DAAM1: variants seen among roughly 807,000 people sequenced by gnomAD.
DAAM1 encodes dishevelled associated activator of morphogenesis 1, also known as disheveled-associated activator of morphogenesis 1.
In DAAM1, 52 loss-of-function variants were observed where a neutral mutation model predicts 130.0. That is an observed-to-expected ratio of 0.40 (90% CI 0.32 to 0.50). DAAM1 has a LOEUF of 0.50. Among genes scored for constraint, DAAM1 ranks in the 20% least tolerant of loss-of-function variants. The pLI, the probability that DAAM1 is intolerant of heterozygous loss-of-function variation, is 0.61. For missense variants in DAAM1, 1,134 were observed against 1,303.8 expected, an observed-to-expected ratio of 0.87 and a Z score of 2.01; for synonymous variants, 452 against 444.5, an observed-to-expected ratio of 1.02 and a Z score of -0.21.
chr14:59,323,253 C>G (rs542286199), intron 6 of DAAM1, 28 bp downstream of exon 6: 2 of 1,548,938 alleles, frequency 1.3e-6, no homozygotes, highest in Admixed American at 3.8e-5. Flanking sequence ...CTTCTTCACT[C>G]ACCCCTTCTT....
intron 2 of DAAM1, among the ~76,000 whole-genome samples, chr14:59,274,029 T>A (rs1882841788): frequency 6.6e-6 from 1 of 152,190 alleles, no homozygotes; most frequent in Non-Finnish European, 1.5e-5. Context: ...CCTCTGGAAT[T>A]TCAAGCTGTT....
intron 1 of DAAM1, among the ~76,000 whole-genome samples, chr14:59,250,043 C>A (rs942233221): frequency 2.0e-5 from 3 of 152,060 alleles, no homozygotes; most frequent in Non-Finnish European, 4.4e-5. Flanking sequence ...ATTTGTGATA[C>A]CCCTATGATT....
chr14:59,279,083 G>A (rs1883100444), intron 2 of DAAM1, among the ~76,000 whole-genome samples: 1 of 152,062 alleles, frequency 6.6e-6, no homozygotes, highest in Non-Finnish European at 1.5e-5. Context: ...TAATTTATAT[G>A]TCATAGAATT....
intron 2 of DAAM1, among the ~76,000 whole-genome samples, chr14:59,289,776 A>ATATATG (rs1555360758): frequency 5.6e-5 from 8 of 143,480 alleles, no homozygotes; most frequent in African/African-American, 1.6e-4. Flanking sequence ...TGATATATAT[A>ATATATG]TATATATAAT....
chr14:59,355,659 T>C (rs1466889483), intron 20 of DAAM1, among the ~76,000 whole-genome samples: 1 of 152,152 alleles, frequency 6.6e-6, no homozygotes, highest in Admixed American at 6.5e-5. Context: ...TATTATAATA[T>C]ACTAAGAAGA....
chr14:59,246,618 A>G (rs1467939861), intron 1 of DAAM1, among the ~76,000 whole-genome samples: 3 of 152,138 alleles, frequency 2.0e-5, no homozygotes, highest in African/African-American at 7.2e-5. Flanking sequence ...TTTTTTGAGA[A>G]ACCACCATAC....
intron 16 of DAAM1, among the ~76,000 whole-genome samples, chr14:59,343,671 T>G (rs1311240361): frequency 6.6e-6 from 1 of 152,208 alleles, no homozygotes; most frequent in East Asian, 1.9e-4. Context: ...TTTACAAATG[T>G]CAGTGGACCT....
At chr14:59,228,534 C>T (rs1283765892) in intron 1 of DAAM1, among the ~76,000 whole-genome samples, 1 of 152,140 alleles carries the variant, frequency 6.6e-6, no homozygotes, top group South Asian at 2.1e-4. Context: ...CTTTGTCTTC[C>T]CACACATTTC....
chr14:59,208,653 A>G (rs1002588935), intron 1 of DAAM1, among the ~76,000 whole-genome samples: 2 of 152,264 alleles, frequency 1.3e-5, no homozygotes, highest in East Asian at 1.9e-4. Context: ...TTTTGAACAT[A>G]TGACCCATGA....
Position 59,354,237 on chromosome 14 carries a change from C to T in DAAM1, c.2356+273C>T, listed in dbSNP as rs549654668. Reference sequence around the variant, plus strand: ...CACCACGCCTGGCTAATTTTTTGTACTTTTAGTAGAGACGGGGTTTCACCA... The same window carrying T: ...CACCACGCCTGGCTAATTTTTTGTATTTTTAGTAGAGACGGGGTTTCACCA... On this transcript the variant is annotated intron_variant, in intron 19 of 24. Transcript: ENST00000360909. 1.1e-4 allele frequency among the ~76,000 whole-genome samples: 17 copies of T among 152,076 alleles called. No homozygotes were observed. The East Asian group carries it at 1.2e-3, about 10-fold the overall frequency.
intron 1 of DAAM1, among the ~76,000 whole-genome samples, chr14:59,193,821 G>A (rs1314931110): frequency 6.6e-6 from 1 of 152,170 alleles, no homozygotes; most frequent in African/African-American, 2.4e-5. Flanking sequence ...TAGCTCAGGT[G>A]CCACAGCTTC....
chr14:59,355,170 C>A lies in DAAM1; in HGVS notation c.2362C>A (p.Arg788Ser). Reference protein sequence around the residue: ...AEVKPKVEAIRSGSEEVFRSG... With the variant: ...AEVKPKVEAISSGSEEVFRSG... ...TTATGTGTTTTGTTTTGAAGCAATT[C>A]GTTCTGGCTCAGAAGAGGTGTTTAG... The change falls in exon 20 of 25, where the codon CGT (arginine) becomes AGT (serine). Residue 788 changes from arginine to serine, a missense_variant. This residue lies in a region of DAAM1 where 644 missense variants were observed against 695.9 expected (regional missense o/e 0.93). Coordinates refer to ENST00000360909, the MANE Select transcript of DAAM1 (RefSeq NM_001270520.2). 1.9e-6 allele frequency: 3 copies of A among 1,605,466 alleles called. No homozygotes were observed. Among genetic ancestry groups the A allele is most frequent in the Non-Finnish European group, 2.6e-6 (3 of 1,176,318 alleles).
intron 1 of DAAM1, among the ~76,000 whole-genome samples, chr14:59,221,292 AAG>A (rs1377461039): frequency 1.3e-5 from 2 of 152,248 alleles, no homozygotes; most frequent in East Asian, 3.8e-4. Context: ...ATAAGGGAAT[AAG>A]AGAGGAAGGA....
chr14:59,353,169 A>G (rs1236043743), intron 18 of DAAM1, among the ~76,000 whole-genome samples: 1 of 152,122 alleles, frequency 6.6e-6, no homozygotes, highest in Non-Finnish European at 1.5e-5. Flanking sequence ...TTCTCCAGAA[A>G]GCCCTGAGGC....
intron 8 of DAAM1, among the ~76,000 whole-genome samples, chr14:59,325,324 G>T (rs7145688): frequency 0.29 from 44,318 of 152,034 alleles, 6,931 homozygotes; most frequent in African/African-American, 0.4. Flanking sequence ...AATTCAGCTG[G>T]AAGTTAAGTG....
At chr14:59,254,231 C>T (rs974913141) in intron 1 of DAAM1, among the ~76,000 whole-genome samples, 42 of 150,600 alleles carry the variant, frequency 2.8e-4, no homozygotes, top group African/African-American at 9.5e-4. Flanking sequence ...AGGTGATTGC[C>T]GGTATCTTGT....
chr14:59,314,941 G>A (rs1884728302), intron 3 of DAAM1, among the ~76,000 whole-genome samples: 1 of 152,138 alleles, frequency 6.6e-6, no homozygotes, highest in African/African-American at 2.4e-5. Context: ...TTCCATCCAG[G>A]TGTATAGTCT....
At chr14:59,338,156 A>G (rs984852267) in intron 15 of DAAM1, among the ~76,000 whole-genome samples, 14 of 152,080 alleles carry the variant, frequency 9.2e-5, no homozygotes, top group Admixed American at 2.6e-4. Flanking sequence ...GGGTACAGCA[A>G]ATGTCATCGT....
intron 16 of DAAM1, among the ~76,000 whole-genome samples, chr14:59,342,045 A>C (rs1408304168): frequency 6.6e-6 from 1 of 152,228 alleles, no homozygotes; most frequent in Non-Finnish European, 1.5e-5. Context: ...TGAGGGAATT[A>C]GTTCATATTT....
Sources: gnomAD v4.1 joint callset for allele counts (sites outside exome capture counted in the v4.1 genomes callset) on GRCh38, gnomAD v4.1.1 for gene constraint, gnomAD v4.1.1 regional missense constraint, MANE v1.5 for transcripts, NCBI Gene and HGNC (gene_info 2026-07-23, HGNC 2026-07-21) for gene names.